The following RIMS2 variants were observed in gnomAD, a reference collection of about 807,000 sequenced individuals.
RIMS2 encodes the protein regulating synaptic membrane exocytosis protein 2.
In RIMS2, 59 loss-of-function variants were observed where a neutral mutation model predicts 174.4. The observed-to-expected ratio is 0.34, with a 90% CI of 0.27 to 0.42. RIMS2 has a LOEUF of 0.42. Among genes scored for constraint, RIMS2 ranks in the 10% least tolerant of loss-of-function variants. The probability of loss-of-function intolerance (pLI) is 1.00; values close to 1 mark genes in which losing one functional copy is unlikely to be tolerated. For missense variants in RIMS2, 1,620 were observed against 1,666.3 expected (o/e 0.97, Z 0.48); for synonymous variants, 606 against 572.5 (o/e 1.06, Z -0.84).
intron 19 of RIMS2, among the ~76,000 whole-genome samples, chr8:104,241,748 T>TTTTG (rs528533367): frequency 2.5e-3 from 384 of 151,812 alleles, no homozygotes; most frequent in African/African-American, 4.1e-3. Flanking sequence ...TGCTTGGGGT[T>TTTTG]TTTGTTTGTT....
At chr8:103,797,172 T>C (rs1480256855) in intron 3 of RIMS2, among the ~76,000 whole-genome samples, 1 of 152,148 alleles carries the variant, frequency 6.6e-6, no homozygotes, top group Admixed American at 6.6e-5. Flanking sequence ...TCGGCCTAAA[T>C]CTTACCTTTT....
chr8:103,702,982 T>G (rs1004772722), intron 2 of RIMS2, among the ~76,000 whole-genome samples: 2 of 132,268 alleles, frequency 1.5e-5, no homozygotes, highest in African/African-American at 5.8e-5. Context: ...TTTTTGTGAG[T>G]TTGTTTTTTT....
downstream of RIMS2, chr8:104,253,164 G>A (rs2099362980): frequency 6.6e-6 from 1 of 152,128 alleles, no homozygotes; most frequent in Non-Finnish European, 1.5e-5. Flanking sequence ...TCAGTTTACA[G>A]GAAAATTCTA....
At chr8:103,790,910 A>G (rs1341875965) in intron 3 of RIMS2, among the ~76,000 whole-genome samples, 1 of 152,218 alleles carries the variant, frequency 6.6e-6, no homozygotes, top group African/African-American at 2.4e-5. Context: ...TCCAAGAAGT[A>G]TGGGACTATG....
intron 9 of RIMS2, among the ~76,000 whole-genome samples, chr8:103,918,952 T>G (rs2077108322): frequency 6.6e-6 from 1 of 152,222 alleles, no homozygotes; most frequent in South Asian, 2.1e-4. Context: ...TAATTACATT[T>G]ATTCTAATTT....
intron 19 of RIMS2, among the ~76,000 whole-genome samples, chr8:104,160,272 C>T (rs1486430754): frequency 2.6e-5 from 4 of 152,042 alleles, no homozygotes; most frequent in Non-Finnish European, 4.4e-5. Flanking sequence ...TCTCTGGTAC[C>T]TAAGATAATA....
At chr8:104,134,009 C>T (rs987854324) in intron 19 of RIMS2, among the ~76,000 whole-genome samples, 1 of 151,830 alleles carries the variant, frequency 6.6e-6, no homozygotes, top group Non-Finnish European at 1.5e-5. Context: ...GCTCAGCCTA[C>T]TAACTTAAAT....
chr8:103,785,183 G>T (rs908650832), intron 3 of RIMS2, among the ~76,000 whole-genome samples: 1 of 146,060 alleles, frequency 6.8e-6, no homozygotes, highest in African/African-American at 2.6e-5. Context: ...AGACGATGGG[G>T]TTTTCTAGAT....
At chr8:103,774,344 G>T (rs1237201127) in intron 3 of RIMS2, among the ~76,000 whole-genome samples, 2 of 152,106 alleles carry the variant, frequency 1.3e-5, no homozygotes, top group Non-Finnish European at 2.9e-5. Context: ...TAAGAGAGAT[G>T]AAATAATATA....
intron 1 of RIMS2, among the ~76,000 whole-genome samples, chr8:103,574,647 G>T (rs1295140170): frequency 1.3e-5 from 2 of 151,968 alleles, no homozygotes; most frequent in Non-Finnish European, 2.9e-5. Flanking sequence ...GTCTTCCCTG[G>T]TTCTTGGGAC....
rs182687733 is a variant in RIMS2 at position 103,789,649 on chromosome 8, A to T, written c.698+23112A>T. 1.2e-3 allele frequency among the ~76,000 whole-genome samples: 178 copies of T among 151,828 alleles called. 2 individuals are homozygous for T. Among genetic ancestry groups the T allele is most frequent in the African/African-American group, 4.1e-3 (168 of 41,402 alleles). ...CAGGTTAGAATTCTGCTCACTTCAGATTGCAAATACTTTTCCCCAGTTTAT... is the reference window on the plus strand; with the variant it reads ...CAGGTTAGAATTCTGCTCACTTCAGTTTGCAAATACTTTTCCCCAGTTTAT... On this transcript the variant is annotated intron_variant, in intron 3 of 23. Transcript: ENST00000504942.
At chr8:103,784,392 A>C (rs1008706193) in intron 3 of RIMS2, among the ~76,000 whole-genome samples, 6 of 149,710 alleles carry the variant, frequency 4.0e-5, no homozygotes, top group East Asian at 3.9e-4. Context: ...TAGGGTTTTT[A>C]TGGTTTTAGG....
At chr8:103,926,888 T>G (rs2078887264) in intron 10 of RIMS2, among the ~76,000 whole-genome samples, 1 of 151,480 alleles carries the variant, frequency 6.6e-6, no homozygotes, top group Non-Finnish European at 1.5e-5. Flanking sequence ...AGAAAAGAAA[T>G]TTGATTTGAT....
chr8:104,087,771 G>A (rs1206509870), intron 19 of RIMS2, among the ~76,000 whole-genome samples: 4 of 152,084 alleles, frequency 2.6e-5, no homozygotes, highest in South Asian at 2.1e-4. Context: ...AGGCCATCAG[G>A]CCTGAGGACC....
intron 2 of RIMS2, among the ~76,000 whole-genome samples, chr8:103,747,692 A>G (rs1260349452): frequency 6.6e-6 from 1 of 152,122 alleles, no homozygotes; most frequent in Non-Finnish European, 1.5e-5. Flanking sequence ...AGAATATGAG[A>G]GAAAAATATT....
At chr8:103,662,023 G>T (rs139104651) in intron 1 of RIMS2, among the ~76,000 whole-genome samples, 2 of 152,038 alleles carry the variant, frequency 1.3e-5, no homozygotes, top group African/African-American at 4.8e-5. Context: ...GGCTTCCCTG[G>T]GCTACATTGG....
At chr8:103,972,701 C>G (rs2093015627) in intron 15 of RIMS2, among the ~76,000 whole-genome samples, 1 of 152,086 alleles carries the variant, frequency 6.6e-6, no homozygotes, top group Non-Finnish European at 1.5e-5. Context: ...GAACCTTTCT[C>G]TCTGTGTTTA....
intron 19 of RIMS2, among the ~76,000 whole-genome samples, chr8:104,065,235 T>C (rs1202017936): frequency 6.6e-6 from 1 of 152,122 alleles, no homozygotes; most frequent in Non-Finnish European, 1.5e-5. Flanking sequence ...ATTCAATTTA[T>C]CACTTTCATT....
intron 3 of RIMS2, among the ~76,000 whole-genome samples, chr8:103,826,536 TAGTTGTATA>T (rs1170648515): frequency 2.0e-5 from 3 of 151,988 alleles, no homozygotes; most frequent in Admixed American, 6.5e-5. Flanking sequence ...GAAAATTGAA[TAGTTGTATA>T]AGCATGGTTC....
Sources: gnomAD v4.1 joint callset for allele counts (sites outside exome capture counted in the v4.1 genomes callset) on GRCh38, gnomAD v4.1.1 for gene constraint, MANE v1.5 for transcripts, NCBI Gene and HGNC (gene_info 2026-07-23, HGNC 2026-07-21) for gene names.